ZFP90: variants seen among roughly 807,000 people sequenced by gnomAD.
The protein encoded by ZFP90 is zinc finger protein 90 homolog.
ZFP90 carries 38 observed loss-of-function variants against 60.8 expected under a neutral mutation model. The ratio of observed to expected loss-of-function variants is 0.62; its 90% CI spans 0.48 to 0.82. ZFP90 has a LOEUF of 0.82. Among genes scored for constraint, ZFP90 ranks in the 40% least tolerant of loss-of-function variants. The probability of loss-of-function intolerance (pLI) is 0.00; values close to 1 mark genes in which losing one functional copy is unlikely to be tolerated. For missense variants in ZFP90, 711 were observed against 759.1 expected, an observed-to-expected ratio of 0.94 and a Z score of 0.74; for synonymous variants, 287 against 264.8, an observed-to-expected ratio of 1.08 and a Z score of -0.82.
chr16:68,538,092 A>G (rs1266126298), upstream of ZFP90, among the ~76,000 whole-genome samples: 1 of 152,006 alleles, frequency 6.6e-6, no homozygotes, highest in Non-Finnish European at 1.5e-5. Flanking sequence ...TTGTATTTTT[A>G]GTAGAGACGA....
chr16:68,563,408 AAAG>A lies in ZFP90; in HGVS notation c.624_626del (p.Lys209del). 1 of 1,612,290 alleles carries A rather than the reference AAAG, an allele frequency of 6.2e-7. No individual in the cohort carries two copies. The highest frequency in any genetic ancestry group is 8.5e-7 in the Non-Finnish European group (1 of 1,179,642). ...TTAATGAGAATAATATTCTTGCAAA[AAAG>A]AAACCCTATAAGTGTGATAAATGTA... On this transcript the variant is annotated inframe_deletion, in exon 5 of 5. Coordinates refer to ENST00000563169, the MANE Select transcript of ZFP90 (RefSeq NM_001305203.2).
intron 2 of ZFP90, among the ~76,000 whole-genome samples, chr16:68,542,375 G>A (rs752411083): frequency 6.6e-6 from 1 of 152,172 alleles, no homozygotes; most frequent in Non-Finnish European, 1.5e-5. Flanking sequence ...CGGATCACTT[G>A]AGGTCAGGAG....
upstream of ZFP90, among the ~76,000 whole-genome samples, chr16:68,536,958 C>T (rs151188216): frequency 5.6e-4 from 86 of 152,314 alleles, no homozygotes; most frequent in African/African-American, 1.7e-3. Context: ...TCTACCTGCC[C>T]TACCTCTGCT....
chr16:68,539,669 A>T, intron 1 of ZFP90, 89 bp from the exon 2 acceptor site: 1 of 922,388 alleles, frequency 1.1e-6, no homozygotes, highest in Non-Finnish European at 1.5e-6. Flanking sequence ...TCCCCTGGAG[A>T]TGTGGTTTAG....
At chr16:68,538,443 C>T (rs552482981), upstream of ZFP90, among the ~76,000 whole-genome samples, 3 of 152,236 alleles carry the variant, frequency 2.0e-5, no homozygotes, top group Admixed American at 1.3e-4. Context: ...TTCCATCGGG[C>T]CGGGCGCGGT....
rs750588730 is a variant in ZFP90, at chr16:68,558,033, C to T, written c.69C>T (p.Phe23=). ...SVTFKDVSVD[F]TQEEWYHVDP... is the part of the protein sequence containing the mutation. Reference sequence around the variant, plus strand: ...CATTCAAAGATGTGTCTGTGGACTTCACCCAGGAAGAATGGTACCATGTCG... The same window carrying T: ...CATTCAAAGATGTGTCTGTGGACTTTACCCAGGAAGAATGGTACCATGTCG... The change falls in exon 3 of 5, where the codon TTC becomes TTT. Residue 23 remains phenylalanine (F), a synonymous_variant. Coordinates refer to ENST00000563169, the MANE Select transcript of ZFP90 (RefSeq NM_001305203.2). 4.3e-6 allele frequency: 7 copies of T among 1,613,674 alleles called. No homozygotes were observed. The South Asian group carries it at 6.6e-5, about 15-fold the overall frequency.
chr16:68,539,906 G>T, intron 2 of ZFP90, 81 bp downstream of exon 2: 3 of 1,528,060 alleles, frequency 2.0e-6, no homozygotes, highest in Non-Finnish European at 1.8e-6. Context: ...AGCAGTCATT[G>T]TTCTCTGCCT....
downstream of ZFP90, among the ~76,000 whole-genome samples, chr16:68,569,427 G>A (rs532299645): frequency 1.3e-5 from 2 of 152,252 alleles, no homozygotes; most frequent in South Asian, 2.1e-4. Flanking sequence ...GAGCCAGTGC[G>A]CCCAGCTGAT....
rs551779570 is a variant in ZFP90 at position 68,548,474 on chromosome 16, C to CTT, written c.33+8678_33+8679dup. 2.0e-3 allele frequency among the ~76,000 whole-genome samples: 160 copies of CTT among 81,084 alleles called. 17 individuals carry two copies. The highest frequency in any genetic ancestry group is 7.6e-3 in the African/African-American group (145 of 19,014). 53.2% of individuals were successfully genotyped at this position (81,084 alleles called of 152,430 possible). The stretch of plus-strand genomic sequence containing the variant: ...ATATTTCACTGTTCTGTTTATCCTC[C>CTT]TTTTTTTTTTTTTTTTTTTTTTTTT... On this transcript the variant is annotated intron_variant, in intron 2 of 4. Coordinates refer to ENST00000563169, the MANE Select transcript of ZFP90 (RefSeq NM_001305203.2).
chr16:68,560,934 T>C (rs934218226), intron 4 of ZFP90, among the ~76,000 whole-genome samples: 1 of 145,844 alleles, frequency 6.9e-6, no homozygotes. Context: ...CAGGCTGGAG[T>C]ACAATGGCAT....
chr16:68,550,553 G>T (rs1597727697), intron 2 of ZFP90, among the ~76,000 whole-genome samples: 1 of 152,186 alleles, frequency 6.6e-6, no homozygotes, highest in Admixed American at 6.5e-5. Context: ...GCCTGGCCCA[G>T]TGTGTATTTT....
At chr16:68,563,020 T>G in intron 4 of ZFP90, 24 bp from the exon 5 acceptor site, 3 of 1,613,550 alleles carry the variant, frequency 1.9e-6, no homozygotes, top group Non-Finnish European at 2.5e-6. Flanking sequence ...AATAGGGGAC[T>G]TTTGTACTTT....
intron 1 of ZFP90, 48 bp from the exon 2 acceptor site, chr16:68,539,710 G>C: frequency 7.1e-7 from 1 of 1,417,784 alleles, no homozygotes; most frequent in Non-Finnish European, 9.4e-7. Context: ...GGGGCGGGGT[G>C]GGGTCGGTGT....
chr16:68,554,492 G>T (rs947028989), intron 2 of ZFP90, among the ~76,000 whole-genome samples: 13 of 152,186 alleles, frequency 8.5e-5, no homozygotes, highest in African/African-American at 3.1e-4. Context: ...AAGTAACTCT[G>T]ATAGTGCCCA....
chr16:68,569,593 C>T (rs150974215), downstream of ZFP90, among the ~76,000 whole-genome samples: 102 of 152,244 alleles, frequency 6.7e-4, no homozygotes, highest in Non-Finnish European at 1.3e-3. Flanking sequence ...TCCTAGTTAA[C>T]TGAGAACAAG....
chr16:68,553,169 C>T (rs1364115868), intron 2 of ZFP90, among the ~76,000 whole-genome samples: 2 of 152,126 alleles, frequency 1.3e-5, no homozygotes, highest in East Asian at 3.8e-4. Context: ...GGTTTACATT[C>T]TGCTTTGGGA....
downstream of ZFP90, among the ~76,000 whole-genome samples, chr16:68,568,430 T>C (rs1343064345): frequency 6.6e-6 from 1 of 152,238 alleles, no homozygotes; most frequent in Non-Finnish European, 1.5e-5. Context: ...ATTAGAACTT[T>C]TATACACTGC....
chr16:68,559,667 A>G (rs1821105827), intron 4 of ZFP90, among the ~76,000 whole-genome samples: 1 of 152,072 alleles, frequency 6.6e-6, no homozygotes, highest in Non-Finnish European at 1.5e-5. Context: ...TCCCGGGCTC[A>G]AGCAATCCTC....
chr16:68,565,807 G>A lies in ZFP90; in HGVS notation c.*1109G>A, dbSNP rs1016269523. The A allele has an allele frequency of 3.0e-6, 3 of 985,172 alleles. No homozygotes were observed. Among genetic ancestry groups the A allele is most frequent in the Admixed American group, 6.2e-5 (1 of 16,208 alleles). 61.0% of individuals were successfully genotyped at this position (985,172 alleles called of 1,614,324 possible). A position where few individuals can be genotyped will look rare whatever the true frequency, so the allele number is the denominator to read the frequency against. ...CAACATGCACTGGCTCATTTTATGT[G>A]CAAAGAAAAGATTTCACCATTAAAA... On this transcript the variant is annotated 3_prime_UTR_variant, in exon 5 of 5. Coordinates refer to ENST00000563169, the MANE Select transcript of ZFP90 (RefSeq NM_001305203.2).
Sources: gnomAD v4.1 joint callset for allele counts (sites outside exome capture counted in the v4.1 genomes callset) on GRCh38, gnomAD v4.1.1 for gene constraint, MANE v1.5 for transcripts, NCBI Gene and HGNC (gene_info 2026-07-23, HGNC 2026-07-21) for gene names.